PRELID2: variants seen among roughly 807,000 people sequenced by gnomAD.
The protein encoded by PRELID2 is PRELI domain-containing protein 2.
A neutral mutation model predicts 28.4 loss-of-function variants in PRELID2; 25 were observed. The observed-to-expected ratio is 0.88, with a 90% CI of 0.64 to 1.23. The LOEUF is 1.23. PRELID2 is among the 50% of genes most tolerant of loss of function. The pLI, the probability that PRELID2 is intolerant of heterozygous loss-of-function variation, is 0.00. For missense variants in PRELID2, 201 were observed against 214.4 expected (o/e 0.94, Z 0.39); for synonymous variants, 76 against 71.6 (o/e 1.06, Z -0.31).
At chr5:145,245,237 A>T in the PRELID2 span, among the ~76,000 whole-genome samples, 1 of 152,124 alleles carries the variant, frequency 6.6e-6, no homozygotes, top group Non-Finnish European at 1.5e-5. Context: ...TTAAACTGTC[A>T]CAGTGCCCAA....
At chr5:145,567,116 C>G (rs1458258492) in intron 1 of PRELID2, among the ~76,000 whole-genome samples, 1 of 151,868 alleles carries the variant, frequency 6.6e-6, no homozygotes, top group Non-Finnish European at 1.5e-5. Context: ...AATAAAATAT[C>G]TCTTTATTTT....
chr5:145,375,139 G>A, the PRELID2 span, among the ~76,000 whole-genome samples: 1 of 152,028 alleles, frequency 6.6e-6, no homozygotes, highest in South Asian at 2.1e-4. Flanking sequence ...AATGTTTGAG[G>A]ATGCTGACCC....
chr5:145,626,915 C>A (rs1753854170), intron 1 of PRELID2, among the ~76,000 whole-genome samples: 1 of 151,820 alleles, frequency 6.6e-6, no homozygotes, highest in African/African-American at 2.4e-5. Context: ...GCCTGGCTAA[C>A]ATGGTGAAAC....
the PRELID2 span, among the ~76,000 whole-genome samples, chr5:145,389,601 A>G: frequency 3.3e-5 from 5 of 152,220 alleles, no homozygotes; most frequent in South Asian, 2.1e-4. Flanking sequence ...TTAACATAAA[A>G]TACAGTATAC....
chr5:145,621,780 G>A (rs778674087), intron 1 of PRELID2, among the ~76,000 whole-genome samples: 24 of 152,136 alleles, frequency 1.6e-4, no homozygotes, highest in Non-Finnish European at 2.9e-5. Flanking sequence ...CTATGGCACT[G>A]TTGGATAAAT....
the PRELID2 span, among the ~76,000 whole-genome samples, chr5:145,274,983 T>C: frequency 1.9e-4 from 29 of 152,108 alleles, no homozygotes; most frequent in Non-Finnish European, 1.2e-4. Flanking sequence ...TTTCACTATG[T>C]CCTCACTCTG....
At chr5:145,611,016 T>C (rs1215970098) in intron 1 of PRELID2, among the ~76,000 whole-genome samples, 1 of 148,438 alleles carries the variant, frequency 6.7e-6, no homozygotes, top group Non-Finnish European at 1.5e-5. Context: ...AAATAAATAT[T>C]AAAATATGTA....
chr5:145,378,254 A>T, the PRELID2 span, among the ~76,000 whole-genome samples: 1 of 152,014 alleles, frequency 6.6e-6, no homozygotes, highest in Admixed American at 6.6e-5. Context: ...AAATTTGCTG[A>T]TTGTGTGTCT....
At chr5:145,332,394 C>T in the PRELID2 span, among the ~76,000 whole-genome samples, 1 of 152,304 alleles carries the variant, frequency 6.6e-6, no homozygotes, top group South Asian at 2.1e-4. Flanking sequence ...CCATCACTTT[C>T]AGGTACACCA....
At chr5:145,806,810 C>CTCTA in intron 4 of PRELID2, among the ~76,000 whole-genome samples, 1 of 152,238 alleles carries the variant, frequency 6.6e-6, no homozygotes, top group South Asian at 2.1e-4. Flanking sequence ...TTCCCCTGCA[C>CTCTA]TCTATCTCTC....
the PRELID2 span, among the ~76,000 whole-genome samples, chr5:145,332,313 G>C: frequency 6.6e-6 from 1 of 152,270 alleles, no homozygotes; most frequent in Admixed American, 6.5e-5. Flanking sequence ...ATGTTGGTCT[G>C]TCTGGCTAGG....
chr5:145,642,811 A>G (rs771331150), intron 1 of PRELID2, among the ~76,000 whole-genome samples: 9 of 152,188 alleles, frequency 5.9e-5, no homozygotes, highest in Non-Finnish European at 1.2e-4. Context: ...GGTTTGTCAA[A>G]GATCAGATGT....
the PRELID2 span, among the ~76,000 whole-genome samples, chr5:145,417,105 A>G: frequency 6.6e-6 from 1 of 152,152 alleles, no homozygotes. Context: ...TACAACCATT[A>G]GGGAATATTA....
At chr5:145,512,468 T>G (rs1484675966) in intron 1 of PRELID2, among the ~76,000 whole-genome samples, 1 of 152,196 alleles carries the variant, frequency 6.6e-6, no homozygotes, top group Non-Finnish European at 1.5e-5. Context: ...GGGCAGGGCA[T>G]CTCTGAAAGA....
At chr5:145,637,973 G>A (rs746031926) in intron 1 of PRELID2, among the ~76,000 whole-genome samples, 2 of 152,086 alleles carry the variant, frequency 1.3e-5, no homozygotes, top group Non-Finnish European at 2.9e-5. Context: ...ACCACATCCA[G>A]CTAATTTTTG....
At chr5:145,319,097 T>C in the PRELID2 span, among the ~76,000 whole-genome samples, 1 of 152,064 alleles carries the variant, frequency 6.6e-6, no homozygotes, top group Non-Finnish European at 1.5e-5. Context: ...GTTTGGGGTG[T>C]ATATGGGTAT....
At chr5:145,808,897 A>AG (rs1753734280) in intron 4 of PRELID2, among the ~76,000 whole-genome samples, 2 of 103,306 alleles carry the variant, frequency 1.9e-5, no homozygotes, top group Admixed American at 1.0e-4. Flanking sequence ...AAAAAGGAAA[A>AG]GAAAAAAAAA....
intron 1 of PRELID2, among the ~76,000 whole-genome samples, chr5:145,587,113 A>G (rs1036754676): frequency 6.6e-6 from 1 of 152,136 alleles, no homozygotes; most frequent in East Asian, 1.9e-4. Context: ...AATTGTGGCC[A>G]ATGAAATGAA....
chr5:145,423,506 C>A, the PRELID2 span, among the ~76,000 whole-genome samples: 1 of 151,508 alleles, frequency 6.6e-6, no homozygotes, highest in South Asian at 2.1e-4. Flanking sequence ...TCACTGATAC[C>A]CTTTCTTCCA....
Sources: gnomAD v4.1 joint callset for allele counts (sites outside exome capture counted in the v4.1 genomes callset) on GRCh38, gnomAD v4.1.1 for gene constraint, MANE v1.5 for transcripts, NCBI Gene and HGNC (gene_info 2026-07-23, HGNC 2026-07-21) for gene names.